Variants in SUGCT observed in about 807,000 individuals in gnomAD.
SUGCT encodes succinyl-CoA:glutarate-CoA transferase.
Under a neutral mutation model 55.0 loss-of-function variants are expected in SUGCT, and 41 were observed. The ratio of observed to expected loss-of-function variants is 0.74; its 90% CI spans 0.58 to 0.97. SUGCT has a LOEUF of 0.97. Among genes scored for constraint, SUGCT ranks in the 50% least tolerant of loss-of-function variants. The pLI is 0.00. For missense variants in SUGCT, 568 were observed against 547.8 expected (o/e 1.04, Z -0.37); for synonymous variants, 187 against 200.4 (o/e 0.93, Z 0.56).
intron 12 of SUGCT, among the ~76,000 whole-genome samples, chr7:40,586,517 G>T (rs1797389962): frequency 6.6e-6 from 1 of 152,178 alleles, no homozygotes; most frequent in Non-Finnish European, 1.5e-5. Flanking sequence ...GGGTCTTGCA[G>T]AAGGGAAGCA....
intron 9 of SUGCT, among the ~76,000 whole-genome samples, chr7:40,377,174 CTTT>C (rs1784607121): frequency 3.9e-4 from 6 of 15,498 alleles, no homozygotes; most frequent in African/African-American, 6.2e-4. Context: ...TTCTTTCTTT[CTTT>C]CTTTCTTTCT....
chr7:40,197,075 T>A (rs960385462), intron 6 of SUGCT, among the ~76,000 whole-genome samples: 1 of 152,172 alleles, frequency 6.6e-6, no homozygotes, highest in Non-Finnish European at 1.5e-5. Context: ...CCTCAAGTGA[T>A]CCACCCACAT....
the SUGCT span, among the ~76,000 whole-genome samples, chr7:40,995,999 G>A: frequency 1.3e-5 from 2 of 152,184 alleles, no homozygotes; most frequent in Non-Finnish European, 1.5e-5. Flanking sequence ...CCCCTGAATT[G>A]CAAAGTGACG....
At chr7:40,880,983 T>A in the SUGCT span, among the ~76,000 whole-genome samples, 1 of 152,196 alleles carries the variant, frequency 6.6e-6, no homozygotes, top group Non-Finnish European at 1.5e-5. Context: ...TGAGGCCAAG[T>A]TGTACAAGCA....
chr7:40,404,285 A>G (rs1370744959), intron 9 of SUGCT, among the ~76,000 whole-genome samples: 2 of 152,336 alleles, frequency 1.3e-5, no homozygotes, highest in Non-Finnish European at 2.9e-5. Context: ...CTATTGCACA[A>G]TTCTAAGCAA....
At chr7:40,458,509 T>C (rs1789608043) in intron 10 of SUGCT, among the ~76,000 whole-genome samples, 1 of 152,270 alleles carries the variant, frequency 6.6e-6, no homozygotes. Context: ...AGGAAGAAGA[T>C]CTTTTAATTT....
intron 6 of SUGCT, among the ~76,000 whole-genome samples, chr7:40,229,881 C>G (rs922273748): frequency 6.6e-6 from 1 of 150,626 alleles, no homozygotes; most frequent in African/African-American, 2.4e-5. Context: ...ACATCCTACA[C>G]TAGAAAATGA....
At chr7:40,543,663 G>A (rs1236672005) in intron 12 of SUGCT, among the ~76,000 whole-genome samples, 2 of 152,180 alleles carry the variant, frequency 1.3e-5, no homozygotes, top group African/African-American at 2.4e-5. Context: ...GATTTTTCAT[G>A]TGCAAATTAT....
the SUGCT span, among the ~76,000 whole-genome samples, chr7:40,971,754 G>C: frequency 6.6e-6 from 1 of 152,090 alleles, no homozygotes; most frequent in Non-Finnish European, 1.5e-5. Flanking sequence ...AGGTTCTGTG[G>C]GTTGTCGTCA....
chr7:40,730,165 T>G (rs1445385719), intron 12 of SUGCT, among the ~76,000 whole-genome samples: 4 of 152,182 alleles, frequency 2.6e-5, no homozygotes, highest in Admixed American at 2.0e-4. Flanking sequence ...TGGAGTGCAA[T>G]CGCATGATCT....
intron 9 of SUGCT, among the ~76,000 whole-genome samples, chr7:40,390,374 A>G (rs1785359069): frequency 6.6e-6 from 1 of 152,218 alleles, no homozygotes; most frequent in South Asian, 2.1e-4. Flanking sequence ...ATGACTGTAT[A>G]TTTAGAAAAC....
intron 11 of SUGCT, among the ~76,000 whole-genome samples, chr7:40,475,122 G>A (rs12534250): frequency 6.6e-6 from 1 of 151,778 alleles, no homozygotes; most frequent in South Asian, 2.1e-4. Flanking sequence ...TTCCTAAACC[G>A]TATTTCTCCT....
At chr7:40,722,514 C>T (rs1786397571) in intron 12 of SUGCT, among the ~76,000 whole-genome samples, 1 of 152,128 alleles carries the variant, frequency 6.6e-6, no homozygotes, top group Non-Finnish European at 1.5e-5. Flanking sequence ...ATAGTCAATT[C>T]CAAAAAGCAG....
In SUGCT at chr7:40,302,950, C is replaced by T. The variant is rs531187223; in HGVS notation, c.721-13810C>T. On this transcript the variant is annotated intron_variant, in intron 8 of 13. Coordinates refer to ENST00000335693, the MANE Select transcript of SUGCT (RefSeq NM_001193313.2). ...AGGCATCTCCACCTGGACATCCTAT[C>T]GACACCTTTAAATAAATACCCCTTC... 8.5e-5 allele frequency among the ~76,000 whole-genome samples: 13 copies of T among 152,222 alleles called. No individual in the cohort carries two copies. In the East Asian group the frequency reaches 2.1e-3, roughly 25 times the overall value.
chr7:40,446,550 T>C (rs1171317276), intron 9 of SUGCT, among the ~76,000 whole-genome samples: 2 of 152,150 alleles, frequency 1.3e-5, no homozygotes, highest in African/African-American at 4.8e-5. Context: ...TTGAAAGAGT[T>C]TATGTGATAT....
intron 12 of SUGCT, among the ~76,000 whole-genome samples, chr7:40,593,841 A>AAAC (rs1021212103): frequency 5.9e-5 from 9 of 152,234 alleles, no homozygotes; most frequent in South Asian, 2.1e-4. Flanking sequence ...TCTGTCTCAC[A>AAAC]AACAACAACA....
the SUGCT span, among the ~76,000 whole-genome samples, chr7:40,994,505 A>G: frequency 6.6e-6 from 1 of 151,652 alleles, no homozygotes; most frequent in Non-Finnish European, 1.5e-5. Context: ...ATTGGAGCAC[A>G]TGCTGTGCAT....
intron 12 of SUGCT, among the ~76,000 whole-genome samples, chr7:40,672,941 G>C (rs933863637): frequency 1.3e-5 from 2 of 152,100 alleles, no homozygotes; most frequent in African/African-American, 4.8e-5. Context: ...CCCCCAAGCA[G>C]GCTCCCTCAT....
intron 12 of SUGCT, among the ~76,000 whole-genome samples, chr7:40,507,372 C>T (rs151231109): frequency 1.7e-4 from 26 of 152,240 alleles, no homozygotes; most frequent in African/African-American, 6.3e-4. Flanking sequence ...GGTCACTCTT[C>T]ATATGTTATA....
Sources: allele counts gnomAD v4.1 joint callset (sites outside exome capture counted in the v4.1 genomes callset), GRCh38; gene constraint gnomAD v4.1.1; transcripts MANE v1.5; gene names NCBI Gene and HGNC (gene_info 2026-07-23, HGNC 2026-07-21).